The following NR4A3 variants were observed in gnomAD, a reference collection of about 807,000 sequenced individuals.
The protein encoded by NR4A3 is chondrosarcoma, extraskeletal myxoid, fused to EWS.
Under a neutral mutation model 55.6 loss-of-function variants are expected in NR4A3, and 13 were observed. The observed-to-expected ratio is 0.23, with a 90% CI of 0.15 to 0.37. The LOEUF is 0.37. NR4A3 is among the 10% of genes least tolerant of loss of function. The pLI, the probability that NR4A3 is intolerant of heterozygous loss-of-function variation, is 1.00. For synonymous variants in NR4A3, 342 were observed against 357.9 expected, an observed-to-expected ratio of 0.96 and a Z score of 0.50; for missense variants, 646 against 822.8, an observed-to-expected ratio of 0.79 and a Z score of 2.63.
chr9:99,829,561 T>C (rs903493345), intron 3 of NR4A3, among the ~76,000 whole-genome samples: 25 of 152,200 alleles, frequency 1.6e-4, no homozygotes, highest in South Asian at 4.1e-4. Context: ...AGGACACACC[T>C]TCAGAGAAGG....
At position 99,864,987 on chromosome 9, in the gene NR4A3, A is replaced by G. The variant is rs1294369473; in HGVS notation, c.*1120A>G. The G allele has an allele frequency of 9.5e-5, 19 of 199,938 alleles. No individual in the cohort carries two copies. In the East Asian group the frequency reaches 1.5e-3, roughly 15 times the overall value. 12.4% of individuals were successfully genotyped at this position (199,938 alleles called of 1,614,324 possible). On this transcript the variant is annotated 3_prime_UTR_variant, in exon 8 of 8. Transcript: ENST00000395097. Reference sequence around the variant, plus strand: ...GAGAGCAAGCAAATCTTTTTAAAAAATAGTATGAATGTGAATACTAGAAAA... The same window carrying G: ...GAGAGCAAGCAAATCTTTTTAAAAAGTAGTATGAATGTGAATACTAGAAAA...
intron 7 of NR4A3, among the ~76,000 whole-genome samples, chr9:99,858,043 A>G (rs1192466788): frequency 6.6e-6 from 1 of 152,332 alleles, no homozygotes; most frequent in East Asian, 1.9e-4. Flanking sequence ...TGCTGGAGAT[A>G]CAATGTTGAG....
chr9:99,858,961 T>C (rs1398452764), intron 7 of NR4A3, among the ~76,000 whole-genome samples: 1 of 152,210 alleles, frequency 6.6e-6, no homozygotes, highest in Non-Finnish European at 1.5e-5. Context: ...GTAGAGATTC[T>C]TGTCTTAGAT....
intron 1 of NR4A3, among the ~76,000 whole-genome samples, chr9:99,824,246 C>G (rs1268690344): frequency 7.2e-5 from 11 of 152,160 alleles, no homozygotes. Context: ...GCTGGGCGCT[C>G]GAGGGGAACT....
At chr9:99,842,132 A>G (rs375656300) in intron 5 of NR4A3, among the ~76,000 whole-genome samples, 1 of 106,146 alleles carries the variant, frequency 9.4e-6, no homozygotes, top group Non-Finnish European at 2.0e-5. Flanking sequence ...TTTTTTAGTT[A>G]TTTAATACTG....
intron 6 of NR4A3, among the ~76,000 whole-genome samples, 170 bp downstream of exon 6, chr9:99,845,018 C>T (rs1056451649): frequency 5.3e-5 from 8 of 152,286 alleles, no homozygotes; most frequent in African/African-American, 1.9e-4. Context: ...AGGCTTGCCA[C>T]CAGGACCCGT....
intron 5 of NR4A3, among the ~76,000 whole-genome samples, chr9:99,838,974 A>G (rs1471105615): frequency 6.6e-6 from 1 of 152,278 alleles, no homozygotes; most frequent in African/African-American, 2.4e-5. Context: ...AATTCATTTA[A>G]CAAATACTTA....
chr9:99,831,973 C>G (rs545241345), intron 3 of NR4A3, among the ~76,000 whole-genome samples: 1 of 152,038 alleles, frequency 6.6e-6, no homozygotes, highest in African/African-American at 2.4e-5. Context: ...AAATATATGG[C>G]TGTCATATAT....
chr9:99,864,052 A>G lies in NR4A3; in HGVS notation c.*185A>G, dbSNP rs1053393524. 8 of 515,984 alleles carry G rather than the reference A, an allele frequency of 1.6e-5. No homozygotes were observed. The highest frequency in any genetic ancestry group is 1.4e-4 in the African/African-American group (7 of 50,478). The allele number at this position is 515,984 out of a possible 1,614,324, so 32.0% of individuals were successfully genotyped here. ...TACAACCTAAAGCCAGAAAACTTGC[A>G]GAGTATTGTGTTGGGGTTGTGTTTT... On this transcript the variant is annotated 3_prime_UTR_variant, in exon 8 of 8. Transcript: ENST00000395097.
At chr9:99,823,644 A>C (rs886616947) in intron 1 of NR4A3, among the ~76,000 whole-genome samples, 6 of 152,058 alleles carry the variant, frequency 3.9e-5, no homozygotes, top group African/African-American at 1.4e-4. Flanking sequence ...GAATGAAGTT[A>C]CTTTATTCGA....
intron 5 of NR4A3, among the ~76,000 whole-genome samples, chr9:99,842,416 G>A (rs1564034229): frequency 6.6e-6 from 1 of 152,198 alleles, no homozygotes; most frequent in Non-Finnish European, 1.5e-5. Flanking sequence ...GCTCCAGTGA[G>A]AGTAAAGCAA....
At chr9:99,841,467 C>T (rs1827649580) in intron 5 of NR4A3, among the ~76,000 whole-genome samples, 1 of 152,204 alleles carries the variant, frequency 6.6e-6, no homozygotes, top group African/African-American at 2.4e-5. Context: ...AAACTTTCTA[C>T]TTCAACCCAT....
chr9:99,863,322 G>T (rs1341120098), intron 7 of NR4A3, among the ~76,000 whole-genome samples: 2 of 152,108 alleles, frequency 1.3e-5, no homozygotes, highest in Non-Finnish European at 2.9e-5. Context: ...ACCTAAGCTG[G>T]CCATCCCAGA....
chr9:99,861,980 G>C (rs7034892), intron 7 of NR4A3, among the ~76,000 whole-genome samples: 68,333 of 151,538 alleles, frequency 0.45, 16,533 homozygotes, highest in Non-Finnish European at 0.56. Context: ...TATAGACCTA[G>C]CTACTTGGGA....
rs1238539118 is a variant in NR4A3 at position 99,844,706 on chromosome 9, T to C, written c.1312T>C (p.Tyr438His). ...GTDAEHVQQF[Y>H]NLLTASIDVS... ...AGATGCTGAGCATGTGCAACAATTC[T>C]ACAACCTCCTGACAGCCTCCATTGA... Residue 438 changes from tyrosine to histidine, a missense_variant, in exon 6 of 8, where the codon TAC (tyrosine) becomes CAC (histidine). Coordinates refer to ENST00000395097, the MANE Select transcript of NR4A3 (RefSeq NM_006981.4). The C allele has an allele frequency of 6.2e-7, 1 of 1,614,116 alleles. No homozygotes were observed. Among genetic ancestry groups the C allele is most frequent in the Non-Finnish European group, 8.5e-7 (1 of 1,180,052 alleles).
intron 7 of NR4A3, among the ~76,000 whole-genome samples, chr9:99,862,615 T>C (rs10988907): frequency 0.021 from 3,054 of 145,054 alleles, 52 homozygotes; most frequent in Non-Finnish European, 0.029. Context: ...AGTCTAAATG[T>C]TGAGGAAAAG....
At position 99,825,876 on chromosome 9, in the gene NR4A3, A is replaced by T. The variant is rs1827287098; in HGVS notation, c.-3+44A>T. The T allele has an allele frequency of 5.6e-6, 1 of 178,922 alleles. No individual in the cohort carries two copies. The highest frequency in any genetic ancestry group is 1.2e-5 in the Non-Finnish European group (1 of 83,272). 11.1% of individuals were successfully genotyped at this position (178,922 alleles called of 1,614,324 possible). On this transcript the variant is annotated intron_variant, in intron 2 of 7. Coordinates refer to ENST00000395097, the MANE Select transcript of NR4A3 (RefSeq NM_006981.4). The surrounding 1 kb of genome is among the most constrained non-coding windows in gnomAD (Gnocchi z 5.0). ...CCCTTTTCTCCTCCCTGGCTGAGGG[A>T]AGTGGGTGGGGGAACCACACACTCG...
intron 2 of NR4A3, chr9:99,826,929 A>C: frequency 1.2e-6 from 1 of 809,426 alleles, no homozygotes; most frequent in South Asian, 1.6e-5. Context: ...CAACCACCAA[A>C]AACCGCCGTT....
rs1827349052 is a variant in NR4A3, at chr9:99,828,208, C to T, written c.166C>T (p.Pro56Ser). The change falls in exon 3 of 8, where the codon CCC becomes TCC. Residue 56 changes from proline to serine, a missense_variant. Pro to Ser is a moderately conservative substitution (Grantham distance 74, BLOSUM62 -1). Transcript: ENST00000395097. This position sits in a 1 kb window ranked among gnomAD's most constrained non-coding sequence, Gnocchi z 7.7. ...CACGGCTACAGCCACCACGTCCCTG[C>T]CCAGCATCAGTACCTTCGTGGAGGG... ...EITATATTSL[P>S]SISTFVEGYS... 5 of 1,613,978 alleles carry T rather than the reference C, an allele frequency of 3.1e-6. No homozygotes were observed. Among genetic ancestry groups the T allele is most frequent in the Non-Finnish European group, 4.2e-6 (5 of 1,180,002 alleles).
Sources: gnomAD v4.1 joint callset for allele counts (sites outside exome capture counted in the v4.1 genomes callset) on GRCh38, gnomAD v4.1.1 for gene constraint, Gnocchi (gnomAD v3.1) non-coding constraint, MANE v1.5 for transcripts, NCBI Gene and HGNC (gene_info 2026-07-23, HGNC 2026-07-21) for gene names.